AAK1: variants seen among roughly 807,000 people sequenced by gnomAD.
The protein encoded by AAK1 is AP2 associated kinase 1, also known as AP2-associated protein kinase 1.
AAK1 carries 37 observed loss-of-function variants against 116.0 expected under a neutral mutation model. The ratio of observed to expected loss-of-function variants is 0.32; its 90% CI spans 0.25 to 0.42. The LOEUF (loss-of-function observed/expected upper bound fraction) is 0.42. AAK1 is among the 10% of genes least tolerant of loss of function. The pLI is 1.00. For missense variants in AAK1, 919 were observed against 1,170.6 expected (o/e 0.79, Z 3.14); for synonymous variants, 458 against 439.9 (o/e 1.04, Z -0.51).
chr2:69,466,036 TGCTCTTG>T lies in AAK1; in HGVS notation c.*9826_*9832del. ...TCCTCTGGCTGGGAAGGAGCCATACTGCTCTTGGAGACAAATGGGGCTTTGGAGAAAA... is the reference window on the plus strand; with the variant it reads ...TCCTCTGGCTGGGAAGGAGCCATACTGAGACAAATGGGGCTTTGGAGAAAA... On this transcript the variant is annotated 3_prime_UTR_variant, in exon 22 of 22. Transcript: ENST00000409085. 1 of 1,290,994 alleles carries T rather than the reference TGCTCTTG, an allele frequency of 7.7e-7. No individual in the cohort carries two copies. Among genetic ancestry groups the T allele is most frequent in the Non-Finnish European group, 1.0e-6 (1 of 988,890 alleles). The allele number at this position is 1,290,994 out of a possible 1,614,324, so 80.0% of individuals were successfully genotyped here.
intron 2 of AAK1, among the ~76,000 whole-genome samples, chr2:69,566,301 TG>T (rs1558966831): frequency 6.6e-6 from 1 of 152,140 alleles, no homozygotes; most frequent in African/African-American, 2.4e-5. Flanking sequence ...GCAAAGCATG[TG>T]TCAACACTGA....
At chr2:69,511,111 C>G (rs1360609022) in intron 13 of AAK1, among the ~76,000 whole-genome samples, 31 of 152,132 alleles carry the variant, frequency 2.0e-4, no homozygotes, top group Admixed American at 2.0e-3. Context: ...TATAAAATGC[C>G]CCAGGTATTT....
intron 2 of AAK1, among the ~76,000 whole-genome samples, chr2:69,563,677 T>G (rs1671742059): frequency 6.6e-6 from 1 of 152,202 alleles, no homozygotes; most frequent in African/African-American, 2.4e-5. Flanking sequence ...GTTTTCCAAT[T>G]TTCTGCCCTA....
intron 2 of AAK1, among the ~76,000 whole-genome samples, chr2:69,570,140 T>C (rs534831998): frequency 6.6e-6 from 1 of 152,216 alleles, no homozygotes; most frequent in South Asian, 2.1e-4. Context: ...AATATTGCCC[T>C]TTCCTCACTC....
chr2:69,524,903 CAG>C (rs1472356080), intron 10 of AAK1, 128 bp downstream of exon 10: 1 of 825,088 alleles, frequency 1.2e-6, no homozygotes, highest in East Asian at 2.5e-5. Flanking sequence ...CTAGGCAAGA[CAG>C]AGCTTGCTTT....
intron 2 of AAK1, among the ~76,000 whole-genome samples, chr2:69,618,877 C>A (rs1272696561): frequency 1.3e-5 from 2 of 152,146 alleles, no homozygotes; most frequent in Non-Finnish European, 2.9e-5. Flanking sequence ...TCTGACACAC[C>A]CTCCAAGACT....
chr2:69,556,700 C>CA (rs1290791113), intron 3 of AAK1, among the ~76,000 whole-genome samples, 160 bp downstream of exon 3: 2 of 152,054 alleles, frequency 1.3e-5, no homozygotes, highest in East Asian at 3.9e-4. Context: ...GTGACCAAGG[C>CA]AAGGGCGGTG....
chr2:69,531,550 T>C (rs920174111), intron 6 of AAK1: 41 of 982,958 alleles, frequency 4.2e-5, no homozygotes, highest in Non-Finnish European at 5.0e-5. Flanking sequence ...AAGCTTTTTA[T>C]CATGAAAGTC....
At chr2:69,515,823 CA>C (rs1676559313) in intron 12 of AAK1, among the ~76,000 whole-genome samples, 1 of 140,672 alleles carries the variant, frequency 7.1e-6, no homozygotes, top group African/African-American at 2.6e-5. Context: ...AAAGGGTTAA[CA>C]AATTAGAAGA....
chr2:69,525,522 C>G (rs111904678), intron 9 of AAK1, among the ~76,000 whole-genome samples: 1 of 152,142 alleles, frequency 6.6e-6, no homozygotes, highest in African/African-American at 2.4e-5. Flanking sequence ...GATCTTCGTT[C>G]GAGCTTATCA....
At chr2:69,637,982 T>A (rs998203781) in intron 2 of AAK1, among the ~76,000 whole-genome samples, 2 of 152,220 alleles carry the variant, frequency 1.3e-5, no homozygotes, top group Non-Finnish European at 2.9e-5. Context: ...CAATTGCTTA[T>A]TCTGGACTTC....
chr2:69,601,919 G>A (rs1161723885), intron 2 of AAK1, among the ~76,000 whole-genome samples: 1 of 152,174 alleles, frequency 6.6e-6, no homozygotes, highest in Non-Finnish European at 1.5e-5. Context: ...GGAGAAGCCT[G>A]GCAGATACCA....
chr2:69,503,565 G>A (rs1676059638), intron 16 of AAK1, among the ~76,000 whole-genome samples: 1 of 152,158 alleles, frequency 6.6e-6, no homozygotes, highest in Non-Finnish European at 1.5e-5. Context: ...TGTTGCCCAG[G>A]CTAGAAAGCA....
At chr2:69,555,373 G>A (rs1046215889) in intron 3 of AAK1, among the ~76,000 whole-genome samples, 3 of 152,200 alleles carry the variant, frequency 2.0e-5, no homozygotes, top group Non-Finnish European at 4.4e-5. Flanking sequence ...AAAATCTAGA[G>A]TAGTGCCAGG....
intron 8 of AAK1, among the ~76,000 whole-genome samples, chr2:69,528,536 G>T (rs1343863404): frequency 6.6e-6 from 1 of 152,194 alleles, no homozygotes; most frequent in Admixed American, 6.5e-5. Context: ...GTACACGACT[G>T]AACCTTTCCT....
In AAK1 at chr2:69,479,050, C is replaced by T. The variant is rs760299293; in HGVS notation, c.2581G>A (p.Gly861Arg). The change falls in exon 20 of 22, where the codon GGG (glycine) becomes AGG (arginine). Residue 861 changes from glycine (G) to arginine (R), a missense_variant. Gly to Arg is a moderately radical substitution (Grantham distance 125). Coordinates refer to ENST00000409085, the MANE Select transcript of AAK1 (RefSeq NM_014911.5). ...GAGCAATCAAGCAGGGAATCTTCCCCGGTGAGAGAATCTGAGTCCAGATTA... is the reference window on the plus strand; with the variant it reads ...GAGCAATCAAGCAGGGAATCTTCCCTGGTGAGAGAATCTGAGTCCAGATTA... ...VTSNRTDSLTGEDSLLDCSLL... is the reference protein window; with the variant it reads ...VTSNRTDSLTREDSLLDCSLL... 14 of 1,612,120 alleles carry T rather than the reference C, an allele frequency of 8.7e-6. No homozygotes were observed. The highest frequency in any genetic ancestry group is 1.3e-5 in the African/African-American group (1 of 74,994).
chr2:69,480,689 T>C (rs1037431998), intron 19 of AAK1, among the ~76,000 whole-genome samples, 171 bp downstream of exon 19: 2 of 151,688 alleles, frequency 1.3e-5, no homozygotes, highest in African/African-American at 4.8e-5. Flanking sequence ...AGCAAGGAAA[T>C]ATATCACTCA....
intron 17 of AAK1, among the ~76,000 whole-genome samples, chr2:69,487,334 C>A (rs1288631447): frequency 6.6e-6 from 1 of 152,160 alleles, no homozygotes; most frequent in Non-Finnish European, 1.5e-5. Flanking sequence ...AAATTCTGTC[C>A]TTTCCCTTAC....
rs1438231711 is a variant in AAK1 at position 69,525,068 on chromosome 2, A to G, written c.1020T>C (p.Ser340=). 1 of 1,613,990 alleles carries G rather than the reference A, an allele frequency of 6.2e-7. No homozygotes were observed. The highest frequency in any genetic ancestry group is 2.2e-5 in the East Asian group (1 of 44,884). The change falls in exon 10 of 22, where the codon AGT becomes AGC. Residue 340 remains serine, a synonymous_variant. Coordinates refer to ENST00000409085, the MANE Select transcript of AAK1 (RefSeq NM_014911.5). ...PAKLPEPVKA[S]EAAAKKTQPK... is the part of the protein sequence containing the mutation. ...GCTGGGTCTTTTTTGCAGCTGCCTCACTGGCTTTCACTGGTTCAGGAAGCT... is the reference window on the plus strand; with the variant it reads ...GCTGGGTCTTTTTTGCAGCTGCCTCGCTGGCTTTCACTGGTTCAGGAAGCT...
Sources: gnomAD v4.1 joint callset for allele counts (sites outside exome capture counted in the v4.1 genomes callset) on GRCh38, gnomAD v4.1.1 for gene constraint, MANE v1.5 for transcripts, NCBI Gene and HGNC (gene_info 2026-07-23, HGNC 2026-07-21) for gene names.